The following PACRG variants were observed in gnomAD, a reference collection of about 807,000 sequenced individuals.
The protein encoded by PACRG is parkin coregulated.
PACRG carries 29 observed loss-of-function variants against 29.7 expected under a neutral mutation model. That is an observed-to-expected ratio of 0.98 (90% confidence interval 0.73 to 1.33). The LOEUF is 1.33. Ranked by LOEUF, PACRG falls within the 40% of genes most tolerant of loss-of-function variation. PACRG has a pLI of 0.00. For synonymous variants in PACRG, 116 were observed against 118.7 expected, an observed-to-expected ratio of 0.98 and a Z score of 0.15; for missense variants, 279 against 316.2, an observed-to-expected ratio of 0.88 and a Z score of 0.89.
chr6:162,864,099 T>C (rs1792096909), intron 2 of PACRG, among the ~76,000 whole-genome samples: 1 of 152,192 alleles, frequency 6.6e-6, no homozygotes, highest in African/African-American at 2.4e-5. Flanking sequence ...TAATTATTTC[T>C]AAATCTCACC....
intron 2 of PACRG, among the ~76,000 whole-genome samples, chr6:162,958,868 TATATATATATATATATAGAGAGAGAGAG>T (rs1411793806): frequency 0.014 from 1,029 of 72,442 alleles, 7 homozygotes; most frequent in Admixed American, 0.052. Context: ...TATATATATA[TATATATATATATATATAGAGAGAGAGAG>T]AGAGAGAGAG....
intron 2 of PACRG, among the ~76,000 whole-genome samples, chr6:163,022,358 C>G (rs1806714539): frequency 6.6e-6 from 1 of 152,216 alleles, no homozygotes. Flanking sequence ...TGGCTGAGCT[C>G]TTTGCTACCT....
chr6:162,798,946 C>T (rs971411377), intron 1 of PACRG, among the ~76,000 whole-genome samples: 3 of 152,090 alleles, frequency 2.0e-5, no homozygotes, highest in Admixed American at 1.3e-4. Flanking sequence ...ATCATGTAAT[C>T]GTATGCATGC....
chr6:163,237,892 T>G (rs1272730121), intron 4 of PACRG, among the ~76,000 whole-genome samples: 1 of 152,220 alleles, frequency 6.6e-6, no homozygotes, highest in Non-Finnish European at 1.5e-5. Flanking sequence ...CTGTTTGACA[T>G]CAATGAAAAG....
intron 3 of PACRG, among the ~76,000 whole-genome samples, chr6:163,062,588 A>T (rs1355260678): frequency 6.6e-6 from 1 of 152,212 alleles, no homozygotes; most frequent in African/African-American, 2.4e-5. Flanking sequence ...ATAAGCATTA[A>T]CATTAACTTA....
chr6:163,102,462 C>T (rs1815150820), intron 4 of PACRG, among the ~76,000 whole-genome samples: 1 of 152,220 alleles, frequency 6.6e-6, no homozygotes, highest in Non-Finnish European at 1.5e-5. Flanking sequence ...ATCAGTGCTA[C>T]TAACATGCTT....
intron 2 of PACRG, among the ~76,000 whole-genome samples, chr6:162,850,242 A>G (rs1443268517): frequency 6.6e-6 from 1 of 152,268 alleles, no homozygotes; most frequent in Non-Finnish European, 1.5e-5. Flanking sequence ...GTGTAGCTTT[A>G]TAGTGAGTCT....
At chr6:163,298,784 T>C (rs1471913481) in intron 4 of PACRG, among the ~76,000 whole-genome samples, 2 of 152,226 alleles carry the variant, frequency 1.3e-5, no homozygotes, top group Non-Finnish European at 2.9e-5. Context: ...GAAATCATCC[T>C]CTCCGGTAAC....
intron 2 of PACRG, among the ~76,000 whole-genome samples, chr6:162,868,267 T>C (rs1792471121): frequency 6.6e-6 from 1 of 151,600 alleles, no homozygotes; most frequent in African/African-American, 2.4e-5. Flanking sequence ...TGGACAGCCG[T>C]GGTTTTAAAT....
At chr6:162,741,533 T>A (rs956153192) in intron 1 of PACRG, among the ~76,000 whole-genome samples, 4 of 151,944 alleles carry the variant, frequency 2.6e-5, no homozygotes, top group African/African-American at 7.3e-5. Flanking sequence ...CTCTCTCTCT[T>A]TCTTGTAGAG....
At chr6:163,284,448 G>C (rs915464308) in intron 4 of PACRG, among the ~76,000 whole-genome samples, 2 of 152,238 alleles carry the variant, frequency 1.3e-5, no homozygotes, top group Non-Finnish European at 2.9e-5. Context: ...CAGTGGTCTG[G>C]CAGAGAGCCT....
intron 2 of PACRG, among the ~76,000 whole-genome samples, chr6:162,953,646 G>A (rs578137225): frequency 3.9e-5 from 6 of 152,206 alleles, no homozygotes; most frequent in African/African-American, 1.4e-4. Flanking sequence ...AACTGCCATA[G>A]TACTTGACTG....
chr6:162,899,156 G>A (rs2128054214), intron 2 of PACRG, among the ~76,000 whole-genome samples: 1 of 152,278 alleles, frequency 6.6e-6, no homozygotes, highest in East Asian at 1.9e-4. Flanking sequence ...GTGCTGAGGG[G>A]TTTTGCAATT....
intron 2 of PACRG, among the ~76,000 whole-genome samples, chr6:162,937,502 C>T (rs541314808): frequency 1.1e-4 from 17 of 152,256 alleles, no homozygotes; most frequent in South Asian, 2.1e-4. Flanking sequence ...TGTCCACAGG[C>T]GGTGAGCAGC....
chr6:162,901,855 C>A (rs1299858348), intron 2 of PACRG, among the ~76,000 whole-genome samples: 1 of 152,252 alleles, frequency 6.6e-6, no homozygotes, highest in Middle Eastern at 3.4e-3. Flanking sequence ...AAAGAGTGCA[C>A]CAAAAAAATA....
chr6:162,962,142 T>G (rs1800674563), intron 2 of PACRG, among the ~76,000 whole-genome samples: 1 of 152,146 alleles, frequency 6.6e-6, no homozygotes, highest in African/African-American at 2.4e-5. Context: ...ATTTAACCTC[T>G]GACACTTATG....
chr6:163,249,015 C>CAAAAA (rs57866351), intron 4 of PACRG, among the ~76,000 whole-genome samples: 2 of 107,478 alleles, frequency 1.9e-5, no homozygotes, highest in African/African-American at 3.4e-5. Flanking sequence ...GACTCTGTCT[C>CAAAAA]AAAAAAAAAA....
chr6:163,137,230 C>G (rs1389749083), intron 4 of PACRG, among the ~76,000 whole-genome samples: 1 of 152,088 alleles, frequency 6.6e-6, no homozygotes, highest in Non-Finnish European at 1.5e-5. Context: ...TAAGTCTCCC[C>G]ATTCTTTCCA....
chr6:163,170,040 C>T (rs1312856567), intron 4 of PACRG, among the ~76,000 whole-genome samples: 1 of 152,116 alleles, frequency 6.6e-6, no homozygotes. Context: ...CTTCATTTCA[C>T]CCCAATTACC....
Sources: gnomAD v4.1 joint callset for allele counts (sites outside exome capture counted in the v4.1 genomes callset) on GRCh38, gnomAD v4.1.1 for gene constraint, MANE v1.5 for transcripts, NCBI Gene and HGNC (gene_info 2026-07-23, HGNC 2026-07-21) for gene names.